Variants in ZNF536 observed in about 807,000 individuals in gnomAD.
ZNF536 encodes the protein zinc finger protein 536.
Under a neutral mutation model 84.5 loss-of-function variants are expected in ZNF536, and 13 were observed. The ratio of observed to expected loss-of-function variants is 0.15; its 90% CI spans 0.10 to 0.24. The LOEUF is 0.24. Among genes scored for constraint, ZNF536 ranks in the 10% least tolerant of loss-of-function variants. The pLI is 1.00. For missense variants in ZNF536, 1,536 were observed against 1,747.5 expected (o/e 0.88, Z 2.16); for synonymous variants, 811 against 742.5 (o/e 1.09, Z -1.50).
rs574701665 is a variant in ZNF536 at position 30,587,427 on chromosome 19, C to T, written c.169+37913C>T. Reference sequence around the variant, plus strand: ...TGGTATTACTCTCCCATTCTCCGAGCCACTTAATTATGGCAAGCATGGTCT... The same window carrying T: ...TGGTATTACTCTCCCATTCTCCGAGTCACTTAATTATGGCAAGCATGGTCT... On this transcript the variant is annotated intron_variant, in intron 1 of 1. Coordinates refer to the ZNF536 transcript ENST00000592773. 3.9e-5 allele frequency among the ~76,000 whole-genome samples: 6 copies of T among 152,300 alleles called. No individual in the cohort carries two copies. The South Asian group carries it at 6.2e-4, about 16-fold the overall frequency.
At chr19:30,294,740 C>T (rs1341684720) in intron 2 of ZNF536, among the ~76,000 whole-genome samples, 2 of 152,180 alleles carry the variant, frequency 1.3e-5, no homozygotes, top group East Asian at 1.9e-4. Context: ...ACAAGATACA[C>T]CTGCCCTGAC....
intron 2 of ZNF536, among the ~76,000 whole-genome samples, chr19:30,525,863 T>C (rs1179924950): frequency 2.0e-5 from 3 of 150,822 alleles, no homozygotes; most frequent in African/African-American, 7.3e-5. Context: ...AGGTGGGGAG[T>C]TGGGATGAAG....
intron 1 of ZNF536, among the ~76,000 whole-genome samples, chr19:30,442,031 C>T (rs568810013): frequency 8.1e-4 from 123 of 152,352 alleles, no homozygotes; most frequent in African/African-American, 2.8e-3. Context: ...AAATCAGTCC[C>T]GGCTGGGGTT....
At chr19:30,496,258 CCT>C (rs1260264172) in intron 2 of ZNF536, among the ~76,000 whole-genome samples, 1 of 152,108 alleles carries the variant, frequency 6.6e-6, no homozygotes, top group East Asian at 1.9e-4. Flanking sequence ...TCTGGAATAC[CCT>C]CTGAGTTCTC....
At chr19:30,341,786 A>C (rs2047573505) in intron 2 of ZNF536, among the ~76,000 whole-genome samples, 1 of 152,218 alleles carries the variant, frequency 6.6e-6, no homozygotes, top group South Asian at 2.1e-4. Context: ...TCTAAAGGAA[A>C]GTATGAAATA....
chr19:30,518,693 C>T (rs1568508235), intron 2 of ZNF536, among the ~76,000 whole-genome samples: 4 of 152,194 alleles, frequency 2.6e-5, no homozygotes, highest in East Asian at 3.8e-4. Flanking sequence ...GGTATCGAAT[C>T]GAGCAATGTG....
chr19:30,345,035 G>A (rs972362347), intron 2 of ZNF536, among the ~76,000 whole-genome samples: 4 of 152,200 alleles, frequency 2.6e-5, no homozygotes, highest in Admixed American at 1.3e-4. Context: ...CACAATAGCA[G>A]CTACTAACTC....
chr19:30,266,921 T>C (rs2025542525), intron 1 of ZNF536, among the ~76,000 whole-genome samples: 1 of 152,234 alleles, frequency 6.6e-6, no homozygotes. Context: ...TCCACTTTTG[T>C]CTGACAACGG....
At chr19:30,369,499 C>T (rs1208122363), upstream of ZNF536, among the ~76,000 whole-genome samples, 10 of 152,026 alleles carry the variant, frequency 6.6e-5, no homozygotes, top group Non-Finnish European at 1.0e-4. Context: ...GACCCGTCTG[C>T]GATTGTGCAG....
chr19:30,303,937 T>C (rs1217967615), intron 2 of ZNF536, among the ~76,000 whole-genome samples: 1 of 152,138 alleles, frequency 6.6e-6, no homozygotes, highest in Non-Finnish European at 1.5e-5. Flanking sequence ...TAGTCTGTCA[T>C]GGGGGCAAGC....
chr19:30,541,006 C>T (rs909873971), intron 3 of ZNF536, among the ~76,000 whole-genome samples: 4 of 152,222 alleles, frequency 2.6e-5, no homozygotes, highest in Non-Finnish European at 1.5e-5. Context: ...CATGTGGAGG[C>T]GCTCTGACCT....
chr19:30,667,867 T>G (rs989610038), intron 1 of ZNF536, among the ~76,000 whole-genome samples: 5 of 152,030 alleles, frequency 3.3e-5, no homozygotes, highest in Admixed American at 3.3e-4. Flanking sequence ...GCTGTGAAGG[T>G]CAAACCCTAT....
chr19:30,572,818 T>G (rs1273381819), intron 1 of ZNF536, among the ~76,000 whole-genome samples: 1 of 152,168 alleles, frequency 6.6e-6, no homozygotes, highest in Non-Finnish European at 1.5e-5. Flanking sequence ...AAGGCCTCTT[T>G]GTTGAAGGGG....
Position 30,242,842 on chromosome 19 carries a change from CTTA to C in ZNF536, c.-190+14174_-190+14176del, listed in dbSNP as rs1410285485. ...ACAATGTTAACTTTTTAATTTTATT[CTTA>C]TTATGTTTTTTGGTGGAAAATGAAA... On this transcript the variant is annotated intron_variant, in intron 1 of 5. Coordinates refer to the ZNF536 transcript ENST00000585628. 4.6e-5 allele frequency among the ~76,000 whole-genome samples: 7 copies of C among 152,196 alleles called. No homozygotes were observed. The South Asian group carries it at 1.2e-3, about 27-fold the overall frequency.
intron 1 of ZNF536, among the ~76,000 whole-genome samples, chr19:30,636,810 G>A (rs1189446311): frequency 1.3e-5 from 2 of 152,168 alleles, no homozygotes; most frequent in Admixed American, 1.3e-4. Context: ...TGCGGGCCTG[G>A]GGACGGGGGC....
Position 30,445,000 on chromosome 19 carries a change from G to T in ZNF536, c.1438G>T (p.Val480Phe). The change falls in exon 2 of 5, where the codon GTC becomes TTC. Residue 480 changes from valine to phenylalanine, a missense_variant. Val to Phe is a conservative substitution (Grantham distance 50, BLOSUM62 -1). Around this residue, in one of 8 missense-constraint regions of ZNF536, gnomAD observed 366 missense variants for 364.4 expected, o/e 1.00. Transcript: ENST00000355537. ...LSPISSMAHGVPEGDKHSLLG... is the reference protein window; with the variant it reads ...LSPISSMAHGFPEGDKHSLLG... ...TCCCATCTCCAGCATGGCCCACGGC[G>T]TCCCGGAGGGGGACAAGCACTCCCT... The T allele has an allele frequency of 6.2e-7, 1 of 1,611,146 alleles. No individual in the cohort carries two copies. The highest frequency in any genetic ancestry group is 1.1e-5 in the South Asian group (1 of 90,862).
chr19:30,691,651 A>G (rs2051414210), intron 1 of ZNF536, among the ~76,000 whole-genome samples: 1 of 152,094 alleles, frequency 6.6e-6, no homozygotes, highest in South Asian at 2.1e-4. Flanking sequence ...TGTATTGTGA[A>G]GTCTTTGTCT....
intron 1 of ZNF536, among the ~76,000 whole-genome samples, chr19:30,253,869 C>A (rs959314475): frequency 2.6e-5 from 4 of 152,196 alleles, no homozygotes; most frequent in Non-Finnish European, 5.9e-5. Context: ...CAAATAAAAG[C>A]CTCATCAGAT....
chr19:30,626,050 T>C (rs1044114198), intron 1 of ZNF536, among the ~76,000 whole-genome samples: 3 of 152,174 alleles, frequency 2.0e-5, no homozygotes, highest in Non-Finnish European at 4.4e-5. Context: ...AAAACATCCA[T>C]GTAAAAGGGC....
Sources: gnomAD v4.1 joint callset for allele counts (sites outside exome capture counted in the v4.1 genomes callset) on GRCh38, gnomAD v4.1.1 for gene constraint, gnomAD v4.1.1 regional missense constraint, MANE v1.5 for transcripts, NCBI Gene and HGNC (gene_info 2026-07-23, HGNC 2026-07-21) for gene names.